The following PDE4D variants were observed in gnomAD, a reference collection of about 807,000 sequenced individuals.
PDE4D encodes 3',5'-cyclic-AMP phosphodiesterase 4D.
In PDE4D, 24 loss-of-function variants were observed where a neutral mutation model predicts 87.4. That is an observed-to-expected ratio of 0.27 (90% CI 0.20 to 0.39). The LOEUF (loss-of-function observed/expected upper bound fraction) is 0.39, where lower values mean the gene tolerates loss of function less well. Ranked by LOEUF, PDE4D falls within the 10% of genes least tolerant of loss-of-function variation. The probability of loss-of-function intolerance (pLI) is 1.00; values close to 1 mark genes in which losing one functional copy is unlikely to be tolerated. For synonymous variants in PDE4D, 384 were observed against 383.2 expected, an observed-to-expected ratio of 1.00 and a Z score of -0.02; for missense variants, 714 against 1,041.0, an observed-to-expected ratio of 0.69 and a Z score of 4.32.
chr5:59,915,574 T>C (rs1463786922), intron 3 of PDE4D, among the ~76,000 whole-genome samples: 8 of 152,200 alleles, frequency 5.3e-5, no homozygotes, highest in Non-Finnish European at 1.0e-4. Flanking sequence ...AGAAAACCAT[T>C]CATTTGTATC....
chr5:59,301,995 T>G (rs572305412), intron 1 of PDE4D, among the ~76,000 whole-genome samples: 100 of 152,266 alleles, frequency 6.6e-4, no homozygotes, highest in African/African-American at 2.4e-3. Flanking sequence ...TGGCGGAGTT[T>G]GGCCTTCCTT....
chr5:60,193,223 C>T (rs952810969), intron 1 of PDE4D, among the ~76,000 whole-genome samples: 4 of 151,812 alleles, frequency 2.6e-5, no homozygotes, highest in Non-Finnish European at 5.9e-5. Flanking sequence ...TGCTAGTTTC[C>T]GGGAATGCAA....
intron 1 of PDE4D, among the ~76,000 whole-genome samples, chr5:59,432,018 A>G (rs1451052318): frequency 2.0e-5 from 3 of 151,952 alleles, no homozygotes; most frequent in Non-Finnish European, 4.4e-5. Flanking sequence ...TCTTTCTTAT[A>G]TTTTAGGTTT....
intron 1 of PDE4D, among the ~76,000 whole-genome samples, chr5:59,892,718 G>T (rs1015210097): frequency 2.6e-5 from 4 of 152,110 alleles, no homozygotes; most frequent in African/African-American, 9.7e-5. Flanking sequence ...CTTCCCAATA[G>T]GGTGAGTGGA....
chr5:59,273,022 C>T (rs1161921272), intron 1 of PDE4D, among the ~76,000 whole-genome samples: 1 of 152,084 alleles, frequency 6.6e-6, no homozygotes, highest in Non-Finnish European at 1.5e-5. Context: ...CAATGGAACA[C>T]AAAATAGATT....
In PDE4D at chr5:59,756,618, CA is replaced by C. The variant is rs542310400; in HGVS notation, c.455+136549del. ...CAAAGTTTTTTTCCACTATGGCAAT[CA>C]AAACCAACATCACCAGGACTTCTAG... On this transcript the variant is annotated intron_variant, in intron 1 of 14. Transcript: ENST00000340635. Among the ~76,000 whole-genome samples the C allele has an allele frequency of 6.5e-3, 993 of 151,816 alleles. 9 individuals carry two copies. Among genetic ancestry groups the C allele is most frequent in the African/African-American group, 0.023 (949 of 41,398 alleles).
At chr5:59,252,812 C>A (rs982428387) in intron 1 of PDE4D, among the ~76,000 whole-genome samples, 3 of 152,132 alleles carry the variant, frequency 2.0e-5, no homozygotes, top group African/African-American at 7.2e-5. Context: ...TAGGTGTGAG[C>A]TACTGCACCC....
intron 1 of PDE4D, among the ~76,000 whole-genome samples, chr5:59,811,122 A>G (rs1264626498): frequency 1.3e-5 from 2 of 152,206 alleles, no homozygotes; most frequent in Non-Finnish European, 1.5e-5. Context: ...CACAGAGGCA[A>G]AGGGAATTGA....
intron 1 of PDE4D, among the ~76,000 whole-genome samples, chr5:60,229,665 T>C (rs573793251): frequency 6.6e-6 from 1 of 152,240 alleles, no homozygotes; most frequent in Non-Finnish European, 1.5e-5. Flanking sequence ...ACAGTTGTCA[T>C]AACAACTGAT....
intron 1 of PDE4D, among the ~76,000 whole-genome samples, chr5:60,208,053 CA>C (rs1303624552): frequency 6.6e-6 from 1 of 152,184 alleles, no homozygotes; most frequent in Non-Finnish European, 1.5e-5. Context: ...TTGTTCCATG[CA>C]TGCAAAATAC....
chr5:59,211,951 G>T (rs1750177855), intron 2 of PDE4D, among the ~76,000 whole-genome samples: 1 of 152,026 alleles, frequency 6.6e-6, no homozygotes, highest in Non-Finnish European at 1.5e-5. Context: ...CAATTAAATA[G>T]ATAACCACAA....
At chr5:59,248,111 T>C (rs1364694204) in intron 1 of PDE4D, among the ~76,000 whole-genome samples, 1 of 147,558 alleles carries the variant, frequency 6.8e-6, no homozygotes, top group Non-Finnish European at 1.5e-5. Context: ...TTCAATAAGT[T>C]ATGTTCTTGC....
At chr5:59,333,968 G>A (rs543786912) in intron 1 of PDE4D, among the ~76,000 whole-genome samples, 3 of 151,912 alleles carry the variant, frequency 2.0e-5, no homozygotes, top group Non-Finnish European at 4.4e-5. Context: ...TAAACCTGCA[G>A]GTCTTGTTTA....
intron 1 of PDE4D, among the ~76,000 whole-genome samples, chr5:59,649,403 G>A (rs962413654): frequency 2.6e-5 from 4 of 152,094 alleles, no homozygotes; most frequent in African/African-American, 9.7e-5. Context: ...AGAAAAACAC[G>A]TCAGCAGGGC....
At chr5:60,160,694 T>C (rs1032473083) in intron 2 of PDE4D, 17 of 307,016 alleles carry the variant, frequency 5.5e-5, no homozygotes, top group Non-Finnish European at 9.6e-5. Flanking sequence ...CTCAGTACTT[T>C]GACTATCATG....
At chr5:59,602,275 C>T (rs1217085637) in intron 1 of PDE4D, among the ~76,000 whole-genome samples, 2 of 151,954 alleles carry the variant, frequency 1.3e-5, no homozygotes, top group African/African-American at 4.8e-5. Flanking sequence ...TGTACTTCAA[C>T]AAGCAAAGGC....
chr5:59,778,472 T>C (rs1326436678), intron 1 of PDE4D, among the ~76,000 whole-genome samples: 3 of 152,372 alleles, frequency 2.0e-5, no homozygotes, highest in Non-Finnish European at 2.9e-5. Flanking sequence ...AAAATACATA[T>C]GAATATTACA....
At chr5:60,389,314 T>C (rs1367544555) in intron 1 of PDE4D, among the ~76,000 whole-genome samples, 5 of 152,140 alleles carry the variant, frequency 3.3e-5, no homozygotes. Context: ...CTCTTGAAAC[T>C]GTATTCAAAA....
chr5:60,168,905 C>T (rs1783165293), intron 2 of PDE4D, among the ~76,000 whole-genome samples: 1 of 152,162 alleles, frequency 6.6e-6, no homozygotes, highest in Non-Finnish European at 1.5e-5. Flanking sequence ...GGCTGTACCT[C>T]ATGCAACATA....
Sources: gnomAD v4.1 joint callset for allele counts (sites outside exome capture counted in the v4.1 genomes callset) on GRCh38, gnomAD v4.1.1 for gene constraint, MANE v1.5 for transcripts, NCBI Gene and HGNC (gene_info 2026-07-23, HGNC 2026-07-21) for gene names.